SV2C: variants seen among roughly 807,000 people sequenced by gnomAD.
SV2C encodes solute carrier family 22 member B3.
In SV2C, 49 loss-of-function variants were observed where a neutral mutation model predicts 79.7. That is an observed-to-expected ratio of 0.61 (90% CI 0.49 to 0.78). SV2C has a LOEUF of 0.78. SV2C is among the 30% of genes least tolerant of loss of function. The pLI, the probability that SV2C is intolerant of heterozygous loss-of-function variation, is 0.00. For missense variants in SV2C, 833 were observed against 912.9 expected (o/e 0.91, Z 1.13); for synonymous variants, 334 against 333.2 (o/e 1.00, Z -0.03).
the SV2C span, among the ~76,000 whole-genome samples, chr5:75,929,010 C>A: frequency 1.3e-5 from 2 of 152,114 alleles, no homozygotes; most frequent in African/African-American, 4.8e-5. Context: ...TTCTTTTGAC[C>A]TTATCTCTGC....
At chr5:76,281,514 G>C (rs1026718140) in intron 4 of SV2C, among the ~76,000 whole-genome samples, 1 of 152,124 alleles carries the variant, frequency 6.6e-6, no homozygotes, top group Non-Finnish European at 1.5e-5. Context: ...GAAGTGTATT[G>C]GTTTCTGTTG....
At chr5:75,910,333 C>T in the SV2C span, 4 of 549,952 alleles carry the variant, frequency 7.3e-6, no homozygotes, top group East Asian at 1.9e-4. Context: ...CGTAGTCTTC[C>T]CAAAGGAGAT....
At position 76,091,200 on chromosome 5, in the gene SV2C, T is replaced by C. The variant is rs540708374; in HGVS notation, c.-102+7688T>C. On this transcript the variant is annotated intron_variant, in intron 1 of 12. Coordinates refer to ENST00000502798, the MANE Select transcript of SV2C (RefSeq NM_014979.4). ...AAAACAATTTAAGTGTAAAGTCTAT[T>C]ACTTTTTGAAGCATCCAATTAAATC... 1.6e-4 allele frequency among the ~76,000 whole-genome samples: 24 copies of C among 152,350 alleles called. 1 individual carries two copies. In the South Asian group the frequency reaches 4.6e-3, roughly 29 times the overall value.
the SV2C span, among the ~76,000 whole-genome samples, chr5:75,896,545 A>G: frequency 1.3e-5 from 2 of 151,346 alleles, no homozygotes; most frequent in East Asian, 2.0e-4. Flanking sequence ...TGTCTTTACA[A>G]CAGCATGATT....
the SV2C span, among the ~76,000 whole-genome samples, chr5:75,955,841 A>G: frequency 1.3e-5 from 2 of 151,966 alleles, no homozygotes; most frequent in Non-Finnish European, 2.9e-5. Context: ...CAAAACCACA[A>G]TGAGATACCA....
chr5:75,864,145 TAA>T, the SV2C span, among the ~76,000 whole-genome samples: 1 of 152,180 alleles, frequency 6.6e-6, no homozygotes, highest in Non-Finnish European at 1.5e-5. Flanking sequence ...ATTTATTGGA[TAA>T]AGAGACACAG....
At chr5:76,026,365 A>T in the SV2C span, among the ~76,000 whole-genome samples, 4 of 152,212 alleles carry the variant, frequency 2.6e-5, no homozygotes, top group African/African-American at 9.7e-5. Context: ...TGAGCCCAAC[A>T]TAATACTATT....
intron 1 of SV2C, among the ~76,000 whole-genome samples, chr5:76,088,033 G>A (rs1747255299): frequency 1.3e-5 from 2 of 152,168 alleles, no homozygotes. Flanking sequence ...AGGTGGTCTG[G>A]CCTCTGCTCA....
chr5:76,119,107 C>T (rs1456360458), intron 1 of SV2C, among the ~76,000 whole-genome samples: 1 of 152,148 alleles, frequency 6.6e-6, no homozygotes, highest in Admixed American at 6.5e-5. Flanking sequence ...ATATAAACAG[C>T]CTACATGCCC....
At chr5:76,021,900 C>T in the SV2C span, among the ~76,000 whole-genome samples, 2 of 152,110 alleles carry the variant, frequency 1.3e-5, no homozygotes, top group African/African-American at 2.4e-5. Context: ...TTACTTCATC[C>T]TGTTCTTACA....
the SV2C span, among the ~76,000 whole-genome samples, chr5:75,948,482 A>T: frequency 0.53 from 81,235 of 151,854 alleles, 22,896 homozygotes; most frequent in African/African-American, 0.72. Context: ...AGACAAGAAA[A>T]GAGTAGGTAA....
intron 1 of SV2C, among the ~76,000 whole-genome samples, chr5:76,100,732 C>T (rs1747714569): frequency 6.6e-6 from 1 of 152,144 alleles, no homozygotes; most frequent in Admixed American, 6.6e-5. Context: ...GTCCAGAACT[C>T]CATGGTGGTT....
At chr5:75,867,466 G>A in the SV2C span, among the ~76,000 whole-genome samples, 4 of 152,182 alleles carry the variant, frequency 2.6e-5, no homozygotes, top group Non-Finnish European at 5.9e-5. Flanking sequence ...AGAAGGAAAG[G>A]AGAAGGGGAA....
At chr5:75,963,743 A>T in the SV2C span, among the ~76,000 whole-genome samples, 1 of 151,982 alleles carries the variant, frequency 6.6e-6, no homozygotes, top group African/African-American at 2.4e-5. Context: ...TTTCTTTGGT[A>T]CTTTCCTCAC....
chr5:75,853,412 C>T, the SV2C span, among the ~76,000 whole-genome samples: 5 of 151,198 alleles, frequency 3.3e-5, no homozygotes, highest in Non-Finnish European at 5.9e-5. Context: ...AAAAACTAGC[C>T]GGGCGTGGTG....
chr5:76,222,578 A>G (rs938687237), intron 4 of SV2C, among the ~76,000 whole-genome samples: 9 of 152,224 alleles, frequency 5.9e-5, no homozygotes, highest in African/African-American at 1.9e-4. Flanking sequence ...AAAATAAAAC[A>G]GAACTATATA....
At chr5:75,983,012 A>G in the SV2C span, among the ~76,000 whole-genome samples, 6 of 152,252 alleles carry the variant, frequency 3.9e-5, no homozygotes, top group South Asian at 2.1e-4. Flanking sequence ...AAAATAACCA[A>G]TGGGTACTAG....
At chr5:76,142,506 G>A (rs1749287669) in intron 2 of SV2C, among the ~76,000 whole-genome samples, 1 of 152,218 alleles carries the variant, frequency 6.6e-6, no homozygotes, top group Admixed American at 6.5e-5. Flanking sequence ...AATACAGTGT[G>A]TTGTGGGCAT....
chr5:75,938,758 G>A, the SV2C span, among the ~76,000 whole-genome samples: 2 of 152,118 alleles, frequency 1.3e-5, no homozygotes, highest in African/African-American at 4.8e-5. Context: ...GTATGCTTAC[G>A]ATTAGTGTCC....
Sources: allele counts gnomAD v4.1 joint callset (sites outside exome capture counted in the v4.1 genomes callset), GRCh38; gene constraint gnomAD v4.1.1; transcripts MANE v1.5; gene names NCBI Gene and HGNC (gene_info 2026-07-23, HGNC 2026-07-21).